CLUAP1: variants seen among roughly 807,000 people sequenced by gnomAD.
The protein encoded by CLUAP1 is intraflagellar transport 38.
CLUAP1 carries 50 observed loss-of-function variants against 55.0 expected under a neutral mutation model. The ratio of observed to expected loss-of-function variants is 0.91; its 90% CI spans 0.72 to 1.15. The LOEUF is 1.15. Among genes scored for constraint, CLUAP1 ranks in the 50% most tolerant of loss-of-function variants. The pLI, the probability that CLUAP1 is intolerant of heterozygous loss-of-function variation, is 0.00. For synonymous variants in CLUAP1, 195 were observed against 175.4 expected, an observed-to-expected ratio of 1.11 and a Z score of -0.88; for missense variants, 530 against 507.6, an observed-to-expected ratio of 1.04 and a Z score of -0.42.
chr16:3,495,509 C>G, the CLUAP1 span: 1 of 1,555,646 alleles, frequency 6.4e-7, no homozygotes, highest in Non-Finnish European at 8.7e-7. Flanking sequence ...ATTGGCAGGT[C>G]TCCCCTGGCA....
At chr16:3,520,633 G>A (rs1419681591) in intron 7 of CLUAP1, among the ~76,000 whole-genome samples, 1 of 152,186 alleles carries the variant, frequency 6.6e-6, no homozygotes, top group Non-Finnish European at 1.5e-5. Flanking sequence ...GGCAGAGTAA[G>A]TGAATCCAGA....
chr16:3,535,843 G>T, intron 11 of CLUAP1: 1 of 417,202 alleles, frequency 2.4e-6, no homozygotes, highest in Non-Finnish European at 4.4e-6. Flanking sequence ...CCTCAGCGCA[G>T]ATGCAGAGTG....
At chr16:3,512,297 A>G in intron 4 of CLUAP1, 86 bp from the exon 5 acceptor site, 1 of 988,916 alleles carries the variant, frequency 1.0e-6, no homozygotes, top group Non-Finnish European at 1.6e-6. Context: ...GGAGTTAGAG[A>G]GCAGCCTGGG....
upstream of CLUAP1, chr16:3,496,836 CTT>C (rs1271862744): frequency 3.3e-6 from 1 of 300,164 alleles, no homozygotes; most frequent in Non-Finnish European, 6.5e-6. Context: ...TCAATTTTCT[CTT>C]GTCACAGACG....
chr16:3,515,983 G>A lies in CLUAP1; in HGVS notation c.579+392G>A, dbSNP rs947862037. ...GAAGGATCACTATTGTTTACTGCTC[G>A]CTCACATCAGTTATCCTCTCATCTA... is the stretch of plus-strand genomic sequence containing the variant. On this transcript the variant is annotated intron_variant, in intron 6 of 11. Transcript: ENST00000576634. Among the ~76,000 whole-genome samples, 4 of 152,084 alleles carry A rather than the reference G, an allele frequency of 2.6e-5. No homozygotes were observed. In the East Asian group the frequency reaches 7.7e-4, roughly 29 times the overall value.
In CLUAP1 at chr16:3,532,776, T is replaced by G. The variant is rs773965253; in HGVS notation, c.1037-10T>G. The G allele has an allele frequency of 2.8e-5, 45 of 1,613,876 alleles. 1 individual carries two copies. The East Asian group carries it at 1.0e-3, about 36-fold the overall frequency. ...TTTTTATGACTTCTTCATGCTTTTG[T>G]TGTTCTCAGGAAGACCTGGCAAACG... On this transcript the variant is annotated splice_polypyrimidine_tract_variant and intron_variant, in intron 10 of 11. Transcript: ENST00000576634.
intron 4 of CLUAP1, 151 bp downstream of exon 4, chr16:3,508,619 C>G: frequency 1.6e-6 from 1 of 616,374 alleles, no homozygotes; most frequent in Non-Finnish European, 2.6e-6. Flanking sequence ...TGGATAAAGT[C>G]AAAGTCACAA....
chr16:3,510,884 A>G (rs1003216262), intron 4 of CLUAP1, among the ~76,000 whole-genome samples: 6 of 152,200 alleles, frequency 3.9e-5, no homozygotes, highest in African/African-American at 1.2e-4. Context: ...GATGGTGCAC[A>G]GGTAGCTGGT....
At chr16:3,533,226 T>C in intron 11 of CLUAP1, 4 of 1,205,984 alleles carry the variant, frequency 3.3e-6, no homozygotes, top group Non-Finnish European at 4.7e-6. Context: ...CAGGGGCCTC[T>C]CCCTAGGAGT....
chr16:3,504,678 G>A lies in CLUAP1; in HGVS notation c.23-42G>A, dbSNP rs779302057. 7.4e-6 allele frequency: 8 copies of A among 1,074,380 alleles called. No homozygotes were observed. The South Asian group carries it at 1.0e-4, about 13-fold the overall frequency. The allele number at this position is 1,074,380 out of a possible 1,614,324, so 66.6% of individuals were successfully genotyped here. A position where few individuals can be genotyped will look rare whatever the true frequency, so the allele number is the denominator to read the frequency against. ...ATATCTAAGTTAATAAGTAGTTGCT[G>A]TGTGATGGGGAACTGAATGAATTGT... On this transcript the variant is annotated intron_variant, in intron 1 of 11. Coordinates refer to ENST00000576634, the MANE Select transcript of CLUAP1 (RefSeq NM_015041.3).
upstream of CLUAP1, among the ~76,000 whole-genome samples, chr16:3,497,175 GATCTTGTATGTA>G (rs1463570898): frequency 6.6e-6 from 1 of 151,172 alleles, no homozygotes; most frequent in Non-Finnish European, 1.5e-5. Context: ...CCAGCAACCT[GATCTTGTATGTA>G]GGAAATATTA....
rs549642076 is a variant in CLUAP1 at position 3,524,279 on chromosome 16, T to G, written c.855+980T>G. Among the ~76,000 whole-genome samples, 6 of 148,720 alleles carry G rather than the reference T, an allele frequency of 4.0e-5. No individual in the cohort carries two copies. The South Asian group carries it at 1.3e-3, about 32-fold the overall frequency. ...ATCATGCCACTGCACTCCAGCTCGG[T>G]TGACAGAGCAAGACCCTGTCTCAAA... On this transcript the variant is annotated intron_variant, in intron 8 of 11. Transcript: ENST00000576634.
upstream of CLUAP1, among the ~76,000 whole-genome samples, chr16:3,500,692 G>T (rs1466061750): frequency 6.6e-6 from 1 of 152,080 alleles, no homozygotes; most frequent in African/African-American, 2.4e-5. Flanking sequence ...ATTCTTTATA[G>T]AAATGAGGGG....
chr16:3,503,812 T>C (rs1484665595), intron 1 of CLUAP1, among the ~76,000 whole-genome samples: 1 of 152,182 alleles, frequency 6.6e-6, no homozygotes, highest in Non-Finnish European at 1.5e-5. Context: ...CAGAGTCCCT[T>C]TGTGACTTTG....
chr16:3,535,817 C>T (rs2038218656), intron 11 of CLUAP1: 1 of 322,892 alleles, frequency 3.1e-6, no homozygotes, highest in African/African-American at 2.1e-5. Context: ...TAGGGGGAGT[C>T]TCTAGGTCCA....
intron 5 of CLUAP1, among the ~76,000 whole-genome samples, chr16:3,514,821 T>A (rs984883137): frequency 1.3e-5 from 2 of 152,188 alleles, no homozygotes; most frequent in African/African-American, 2.4e-5. Flanking sequence ...CATAGGAATT[T>A]TGGGGTCACA....
At chr16:3,501,219 C>A in intron 1 of CLUAP1, 130 bp downstream of exon 1, 1 of 927,312 alleles carries the variant, frequency 1.1e-6, no homozygotes, top group Non-Finnish European at 1.6e-6. Context: ...CTCTGCGCCT[C>A]AGGGACCGCC....
At chr16:3,533,549 A>C (rs1426953117) in intron 11 of CLUAP1, 1 of 213,342 alleles carries the variant, frequency 4.7e-6, no homozygotes, top group Non-Finnish European at 9.6e-6. Flanking sequence ...AGCTTTACTG[A>C]GTGGATAACT....
rs202247270 is a variant in CLUAP1, at chr16:3,520,053, G to A, written c.713+17G>A. On this transcript the variant is annotated intron_variant, in intron 7 of 11. Transcript: ENST00000576634. ...GAGTGTCAGGTAGATATGAACACTT[G>A]GAGAATGAGTAGAAAGATGTCCTGG... 29 of 1,592,738 alleles carry A rather than the reference G, an allele frequency of 1.8e-5. 1 individual carries two copies. The Admixed American group carries it at 5.1e-4, about 28-fold the overall frequency.
Sources: gnomAD v4.1 joint callset for allele counts (sites outside exome capture counted in the v4.1 genomes callset) on GRCh38, gnomAD v4.1.1 for gene constraint, MANE v1.5 for transcripts, NCBI Gene and HGNC (gene_info 2026-07-23, HGNC 2026-07-21) for gene names.